The following XRCC2 variants were observed in gnomAD, a reference collection of about 807,000 sequenced individuals.
XRCC2 encodes DNA repair protein XRCC2.
In XRCC2, 24 loss-of-function variants were observed where a neutral mutation model predicts 27.3. That is an observed-to-expected ratio of 0.88 (90% CI 0.64 to 1.24). XRCC2 has a LOEUF of 1.24. Among genes scored for constraint, XRCC2 ranks in the 50% most tolerant of loss-of-function variants. The probability of loss-of-function intolerance (pLI) is 0.00; values close to 1 mark genes in which losing one functional copy is unlikely to be tolerated. For missense variants in XRCC2, 321 were observed against 325.8 expected, an observed-to-expected ratio of 0.99 and a Z score of 0.11; for synonymous variants, 106 against 115.4, an observed-to-expected ratio of 0.92 and a Z score of 0.52.
At chr7:152,663,922 G>C (rs1286298432) in intron 1 of XRCC2, 1 of 152,164 alleles carries the variant, frequency 6.6e-6, no homozygotes, top group Non-Finnish European at 1.5e-5. Flanking sequence ...GGGGGCTTTG[G>C]GTCATGCAGT....
intron 1 of XRCC2, among the ~76,000 whole-genome samples, chr7:152,663,154 C>T (rs9969151): frequency 6.6e-6 from 1 of 151,900 alleles, no homozygotes. Context: ...AAACTATTTT[C>T]GTAAACAGAA....
intron 1 of XRCC2, 62 bp from the exon 2 acceptor site, chr7:152,660,844 A>G (rs2098032811): frequency 2.9e-6 from 4 of 1,375,578 alleles, no homozygotes; most frequent in Non-Finnish European, 1.0e-6. Context: ...AGACATCTAT[A>G]TTTATACCAT....
In XRCC2 at chr7:152,663,844, C is replaced by G. The variant is rs934667555; in HGVS notation, c.40-3062G>C. 3 of 16,382 alleles carry G rather than the reference C, an allele frequency of 1.8e-4. No individual in the cohort carries two copies. The South Asian group carries it at 0.014, about 79-fold the overall frequency. 1.0% of individuals were successfully genotyped at this position (16,382 alleles called of 1,614,324 possible). On this transcript the variant is annotated intron_variant, in intron 1 of 2. Transcript: ENST00000359321. ...ACAGAGCAAGACCCTGTCCCCCTGC[C>G]CCCCCCCCCCAAAAATAGTCTCTGT...
chr7:152,650,212 G>A (rs763794174), intron 2 of XRCC2, among the ~76,000 whole-genome samples: 1 of 152,200 alleles, frequency 6.6e-6, no homozygotes, highest in Non-Finnish European at 1.5e-5. Context: ...ATGGCTCTCA[G>A]ACCCTAAATG....
chr7:152,671,154 G>A (rs1255640344), intron 1 of XRCC2, among the ~76,000 whole-genome samples: 2 of 152,170 alleles, frequency 1.3e-5, no homozygotes, highest in Non-Finnish European at 2.9e-5. Context: ...GGCGGAGGCT[G>A]CAGTGAGCTG....
At position 152,645,505 on chromosome 7, in the gene XRCC2, C is replaced by G. The variant is rs549566432; in HGVS notation, c.*3137G>C. On this transcript the variant is annotated 3_prime_UTR_variant, in exon 3 of 3. Coordinates refer to ENST00000359321, the MANE Select transcript of XRCC2 (RefSeq NM_005431.2). ...TTGCTAAACTCTTAATTCTAATAAT[C>G]TGCTTATAGATGATATTGGATTTCC... 1 of 152,178 alleles carries G rather than the reference C, an allele frequency of 6.6e-6. No individual in the cohort carries two copies. The highest frequency in any genetic ancestry group is 1.5e-5 in the Non-Finnish European group (1 of 68,044). 9.4% of individuals were successfully genotyped at this position (152,178 alleles called of 1,614,324 possible).
intron 1 of XRCC2, among the ~76,000 whole-genome samples, chr7:152,664,482 ACCCATCTT>A (rs1480182922): frequency 2.0e-5 from 3 of 152,072 alleles, no homozygotes; most frequent in Non-Finnish European, 4.4e-5. Flanking sequence ...GAACTGGGAC[ACCCATCTT>A]CTCCTGCCCT....
At chr7:152,671,971 G>T (rs1423888105) in intron 1 of XRCC2, among the ~76,000 whole-genome samples, 1 of 152,160 alleles carries the variant, frequency 6.6e-6, no homozygotes, top group Non-Finnish European at 1.5e-5. Context: ...AGCCCAGGAG[G>T]TCAAGGCTGC....
intron 1 of XRCC2, among the ~76,000 whole-genome samples, chr7:152,669,802 A>G (rs2098037407): frequency 6.6e-6 from 1 of 151,964 alleles, no homozygotes; most frequent in African/African-American, 2.4e-5. Context: ...TGTTTTCAAC[A>G]AAACTGATGG....
At chr7:152,667,241 C>T (rs1188278249) in intron 1 of XRCC2, among the ~76,000 whole-genome samples, 2 of 151,386 alleles carry the variant, frequency 1.3e-5, no homozygotes, top group African/African-American at 4.9e-5. Flanking sequence ...AACCCTGTCT[C>T]TACTAAAAAT....
chr7:152,647,351 G>A lies in XRCC2; in HGVS notation c.*1291C>T, dbSNP rs1464116263. On this transcript the variant is annotated 3_prime_UTR_variant, in exon 3 of 3. Coordinates refer to ENST00000359321, the MANE Select transcript of XRCC2 (RefSeq NM_005431.2). ...ACAATTTTCTCCCATTCTGTAAGCT[G>A]TCTGTTTACTCTCTTGATAGTTTCT... 1 of 149,660 alleles carries A rather than the reference G, an allele frequency of 6.7e-6. No individual in the cohort carries two copies. The highest frequency in any genetic ancestry group is 1.5e-5 in the Non-Finnish European group (1 of 67,996). 9.3% of individuals were successfully genotyped at this position (149,660 alleles called of 1,614,324 possible).
chr7:152,648,925 T>C lies in XRCC2; in HGVS notation c.560A>G (p.Tyr187Cys), dbSNP rs2098027290. The C allele has an allele frequency of 6.2e-6, 10 of 1,614,174 alleles. No homozygotes were observed. Among genetic ancestry groups the C allele is most frequent in the Non-Finnish European group, 8.5e-6 (10 of 1,180,032 alleles). ...TGTCGTTGCAAAAAGAACCAGGCGATAGTCATTTACAAGCTTCTCTAAGCA... is the reference window on the plus strand; with the variant it reads ...TGTCGTTGCAAAAAGAACCAGGCGACAGTCATTTACAAGCTTCTCTAAGCA... ...SQCLEKLVND[Y>C]RLVLFATTQT... is the part of the protein sequence containing the mutation. The change falls in exon 3 of 3, where the codon TAT becomes TGT. Residue 187 changes from tyrosine (Y) to cysteine (C), a missense_variant. Transcript: ENST00000359321.
rs1346344048 is a variant in XRCC2, at chr7:152,669,903, G to A, written c.39+6138C>T. ...CTTGGGCCAAGGCTAGCAACATAGT[G>A]TAACCTATTTAAACTAAACAGTCAA... On this transcript the variant is annotated intron_variant, in intron 1 of 2. Coordinates refer to ENST00000359321, the MANE Select transcript of XRCC2 (RefSeq NM_005431.2). Among the ~76,000 whole-genome samples, 10 of 150,630 alleles carry A rather than the reference G, an allele frequency of 6.6e-5. No individual in the cohort carries two copies. In the East Asian group the frequency reaches 1.6e-3, roughly 24 times the overall value.
chr7:152,672,489 G>A (rs1388460932), intron 1 of XRCC2, among the ~76,000 whole-genome samples: 1 of 152,160 alleles, frequency 6.6e-6, no homozygotes, highest in Admixed American at 6.6e-5. Flanking sequence ...TGAGCTGTAA[G>A]GGAACTGAGA....
intron 1 of XRCC2, among the ~76,000 whole-genome samples, chr7:152,667,049 C>T (rs542873692): frequency 5.6e-4 from 86 of 152,298 alleles, no homozygotes; most frequent in African/African-American, 2.0e-3. Flanking sequence ...TTTACTCTTA[C>T]TGTCATTTCT....
At chr7:152,663,660 G>A (rs1192053136) in intron 1 of XRCC2, among the ~76,000 whole-genome samples, 1 of 152,106 alleles carries the variant, frequency 6.6e-6, no homozygotes, top group South Asian at 2.1e-4. Flanking sequence ...GAAACATGGC[G>A]AAACCCTGTC....
intron 1 of XRCC2, 68 bp from the exon 2 acceptor site, chr7:152,660,850 A>T: frequency 7.4e-7 from 1 of 1,350,354 alleles, no homozygotes. Context: ...CTATATTTAT[A>T]CCATTTTCCG....
chr7:152,654,952 C>G (rs902079058), intron 2 of XRCC2, among the ~76,000 whole-genome samples: 1 of 152,250 alleles, frequency 6.6e-6, no homozygotes, highest in South Asian at 2.1e-4. Flanking sequence ...CTGTTTGATC[C>G]TCAAGATCAA....
At chr7:152,664,823 G>A (rs188043698) in intron 1 of XRCC2, among the ~76,000 whole-genome samples, 2 of 152,124 alleles carry the variant, frequency 1.3e-5, no homozygotes, top group South Asian at 4.1e-4. Context: ...GCACCAGGGA[G>A]GGGAAAATTT....
Sources: gnomAD v4.1 joint callset for allele counts (sites outside exome capture counted in the v4.1 genomes callset) on GRCh38, gnomAD v4.1.1 for gene constraint, MANE v1.5 for transcripts, NCBI Gene and HGNC (gene_info 2026-07-23, HGNC 2026-07-21) for gene names.